The following CLVS1 variants were observed in gnomAD, a reference collection of about 807,000 sequenced individuals.
The protein encoded by CLVS1 is clavesin 1.
Under a neutral mutation model 33.1 loss-of-function variants are expected in CLVS1, and 10 were observed. That is an observed-to-expected ratio of 0.30 (90% CI 0.19 to 0.51). CLVS1 has a LOEUF of 0.51. Among genes scored for constraint, CLVS1 ranks in the 20% least tolerant of loss-of-function variants. The pLI is 0.97. For synonymous variants in CLVS1, 163 were observed against 166.1 expected, an observed-to-expected ratio of 0.98 and a Z score of 0.14; for missense variants, 343 against 433.4, an observed-to-expected ratio of 0.79 and a Z score of 1.85.
intron 1 of CLVS1, among the ~76,000 whole-genome samples, chr8:61,079,121 G>T (rs965801185): frequency 6.6e-6 from 1 of 152,170 alleles, no homozygotes; most frequent in Non-Finnish European, 1.5e-5. Context: ...AAATATAAGA[G>T]TAAAAAGAGT....
At chr8:61,269,916 G>C (rs1450381581) in intron 2 of CLVS1, among the ~76,000 whole-genome samples, 73 of 147,980 alleles carry the variant, frequency 4.9e-4, no homozygotes, top group African/African-American at 1.7e-3. Flanking sequence ...ATTTTGGGCT[G>C]AGACAATGGG....
rs1265613250 is a variant in CLVS1 at position 61,485,103 on chromosome 8, T to C, written c.978-14352T>C. ...GCCAAAATTGACAAATGGTATCTAATTAAACTAAAGAGCTTCTGCACAGCA... is the reference window on the plus strand; with the variant it reads ...GCCAAAATTGACAAATGGTATCTAACTAAACTAAAGAGCTTCTGCACAGCA... On this transcript the variant is annotated intron_variant, in intron 5 of 5. Coordinates refer to ENST00000325897, the MANE Select transcript of CLVS1 (RefSeq NM_173519.3). Among the ~76,000 whole-genome samples, 8 of 151,808 alleles carry C rather than the reference T, an allele frequency of 5.3e-5. 1 individual carries two copies. In the South Asian group the frequency reaches 8.3e-4, roughly 16 times the overall value.
chr8:61,387,507 G>A (rs1416207239), intron 3 of CLVS1, among the ~76,000 whole-genome samples: 4 of 107,166 alleles, frequency 3.7e-5, no homozygotes, highest in African/African-American at 1.1e-4. Context: ...TAGGTTTTTG[G>A]GGAACAAGTG....
intron 1 of CLVS1, among the ~76,000 whole-genome samples, chr8:61,127,307 C>T (rs141630201): frequency 1.1e-4 from 17 of 151,982 alleles, no homozygotes; most frequent in African/African-American, 3.6e-4. Context: ...CTCTTGCTTC[C>T]GGGTTGAAGC....
At chr8:61,419,899 T>C (rs1353416995) in intron 3 of CLVS1, among the ~76,000 whole-genome samples, 1 of 152,226 alleles carries the variant, frequency 6.6e-6, no homozygotes, top group Non-Finnish European at 1.5e-5. Flanking sequence ...TAAGAATAAT[T>C]TCCTAACCCC....
chr8:61,446,826 AG>A (rs1384846066), intron 3 of CLVS1, among the ~76,000 whole-genome samples: 5 of 147,230 alleles, frequency 3.4e-5, no homozygotes, highest in African/African-American at 1.3e-4. Context: ...TTTCTTTTGA[AG>A]GTTTTTTTTT....
intron 2 of CLVS1, among the ~76,000 whole-genome samples, chr8:61,337,624 A>G (rs923907268): frequency 2.6e-5 from 4 of 152,196 alleles, no homozygotes; most frequent in Admixed American, 6.5e-5. Flanking sequence ...ACCAATTGCA[A>G]TTTGTGATGT....
At chr8:61,352,160 G>A (rs1034320852) in intron 2 of CLVS1, among the ~76,000 whole-genome samples, 17 of 151,922 alleles carry the variant, frequency 1.1e-4, no homozygotes, top group African/African-American at 3.6e-4. Context: ...TGGTAATGAA[G>A]CTTCTATACT....
chr8:61,126,237 C>T (rs1237385740), intron 1 of CLVS1, among the ~76,000 whole-genome samples: 3 of 152,160 alleles, frequency 2.0e-5, no homozygotes, highest in Admixed American at 6.5e-5. Flanking sequence ...ACCTCATGGC[C>T]TGACCTGTCC....
intron 2 of CLVS1, among the ~76,000 whole-genome samples, chr8:61,302,727 A>G (rs1810480930): frequency 6.6e-6 from 1 of 152,228 alleles, no homozygotes; most frequent in Non-Finnish European, 1.5e-5. Context: ...GCTATAAGGA[A>G]CTACCTGAGA....
intron 2 of CLVS1, among the ~76,000 whole-genome samples, chr8:61,282,680 T>G (rs1438411035): frequency 6.6e-6 from 1 of 152,248 alleles, no homozygotes; most frequent in Non-Finnish European, 1.5e-5. Context: ...GTTCTTGCAG[T>G]AATGCTTATA....
In CLVS1 at chr8:61,069,364, C is replaced by T. The variant is rs1051780864; in HGVS notation, c.-243+12134C>T. Among the ~76,000 whole-genome samples the T allele has an allele frequency of 2.6e-5, 4 of 152,154 alleles. No individual in the cohort carries two copies. In the South Asian group the frequency reaches 8.3e-4, roughly 32 times the overall value. On this transcript the variant is annotated intron_variant, in intron 1 of 2. Coordinates refer to the CLVS1 transcript ENST00000522621. Reference sequence around the variant, plus strand: ...TTTTGAGAAATCACATCAGTAAGAGCGACACTAAATCTTTCTACTTTTTCC... The same window carrying T: ...TTTTGAGAAATCACATCAGTAAGAGTGACACTAAATCTTTCTACTTTTTCC...
chr8:61,419,075 A>C (rs923612379), intron 3 of CLVS1, among the ~76,000 whole-genome samples: 3 of 152,202 alleles, frequency 2.0e-5, no homozygotes, highest in Non-Finnish European at 4.4e-5. Flanking sequence ...TGAAAAGAAC[A>C]AATGAAGGCA....
chr8:61,110,389 G>T (rs967637755), intron 1 of CLVS1, among the ~76,000 whole-genome samples: 5 of 151,962 alleles, frequency 3.3e-5, no homozygotes, highest in African/African-American at 1.2e-4. Flanking sequence ...ATTATTCCAT[G>T]GAATCCTCAT....
At chr8:61,135,699 C>T (rs371236646) in intron 2 of CLVS1, among the ~76,000 whole-genome samples, 45 of 152,340 alleles carry the variant, frequency 3.0e-4, no homozygotes, top group African/African-American at 9.6e-4. Context: ...TGGAGCCTGG[C>T]TTTCTGTCAC....
At chr8:60,994,265 C>T in the CLVS1 span, among the ~76,000 whole-genome samples, 2 of 152,168 alleles carry the variant, frequency 1.3e-5, no homozygotes, top group Non-Finnish European at 2.9e-5. Flanking sequence ...GATGAGGACC[C>T]ACCCTAATGA....
intron 3 of CLVS1, among the ~76,000 whole-genome samples, chr8:61,442,246 A>T (rs748228268): frequency 6.6e-6 from 1 of 152,170 alleles, no homozygotes; most frequent in Non-Finnish European, 1.5e-5. Flanking sequence ...TTCTCCAGAG[A>T]TTCACCCAGG....
intron 3 of CLVS1, among the ~76,000 whole-genome samples, chr8:61,441,260 G>T (rs371572806): frequency 4.0e-4 from 61 of 152,148 alleles, no homozygotes; most frequent in African/African-American, 1.3e-3. Flanking sequence ...CATGCATGCA[G>T]GTATGTGACT....
chr8:61,283,199 G>C (rs759662941), upstream of CLVS1, among the ~76,000 whole-genome samples: 9 of 152,130 alleles, frequency 5.9e-5, no homozygotes, highest in Non-Finnish European at 1.2e-4. Flanking sequence ...TTAAGTTATA[G>C]AACTGATCAT....
Sources: gnomAD v4.1 joint callset for allele counts (sites outside exome capture counted in the v4.1 genomes callset) on GRCh38, gnomAD v4.1.1 for gene constraint, MANE v1.5 for transcripts, NCBI Gene and HGNC (gene_info 2026-07-23, HGNC 2026-07-21) for gene names.